SNX24: variants seen among roughly 807,000 people sequenced by gnomAD.
The protein encoded by SNX24 is sorting nexin-24.
SNX24 carries 22 observed loss-of-function variants against 28.7 expected under a neutral mutation model. That is an observed-to-expected ratio of 0.77 (90% confidence interval 0.55 to 1.10). SNX24 has a LOEUF of 1.10. Among genes scored for constraint, SNX24 ranks in the 50% least tolerant of loss-of-function variants. SNX24 has a pLI of 0.00. For synonymous variants in SNX24, 69 were observed against 71.5 expected (o/e 0.96, Z 0.18); for missense variants, 221 against 201.1 (o/e 1.10, Z -0.60).
intron 3 of SNX24, among the ~76,000 whole-genome samples, chr5:122,965,795 G>A (rs1418517108): frequency 6.6e-6 from 1 of 152,198 alleles, no homozygotes; most frequent in Non-Finnish European, 1.5e-5. Flanking sequence ...AATTACTAGA[G>A]TACAAAGTGA....
chr5:122,920,125 GGA>G (rs2150101292), intron 1 of SNX24, among the ~76,000 whole-genome samples: 1 of 152,280 alleles, frequency 6.6e-6, no homozygotes, highest in African/African-American at 2.4e-5. Flanking sequence ...TCAGGTCAAG[GGA>G]GAGAGAGGTG....
rs1762488825 is a variant in SNX24 at position 123,008,503 on chromosome 5, CTTTG to C, written c.*759_*762del. ...CCTATGTTGGAAAAAAAGACTGTTT[CTTTG>C]TTTGAAGACCAAGTGAAGTTGTTGG... is the stretch of plus-strand genomic sequence containing the variant. On this transcript the variant is annotated 3_prime_UTR_variant, in exon 7 of 7. Transcript: ENST00000261369. The C allele has an allele frequency of 6.7e-6, 1 of 149,078 alleles. No individual in the cohort carries two copies. The highest frequency in any genetic ancestry group is 2.7e-5 in the African/African-American group (1 of 37,220). The allele number at this position is 149,078 out of a possible 1,614,324, so 9.2% of individuals were successfully genotyped here.
intron 1 of SNX24, among the ~76,000 whole-genome samples, chr5:122,906,365 C>T (rs1260540335): frequency 1.3e-5 from 2 of 152,184 alleles, no homozygotes; most frequent in Non-Finnish European, 2.9e-5. Context: ...ATTGTGAGTA[C>T]AGCATAGTGG....
chr5:122,902,825 C>T (rs1757497644), intron 1 of SNX24, among the ~76,000 whole-genome samples: 1 of 152,214 alleles, frequency 6.6e-6, no homozygotes, highest in African/African-American at 2.4e-5. Context: ...TTAACCTTCT[C>T]TTAGCCAGTT....
At chr5:122,968,220 G>A (rs528245745) in intron 3 of SNX24, among the ~76,000 whole-genome samples, 16 of 152,198 alleles carry the variant, frequency 1.1e-4, no homozygotes, top group Admixed American at 2.6e-4. Context: ...TGGCATGCAC[G>A]CCTATAATCC....
chr5:122,906,883 T>C (rs1757665608), intron 1 of SNX24, among the ~76,000 whole-genome samples: 1 of 151,896 alleles, frequency 6.6e-6, no homozygotes, highest in Non-Finnish European at 1.5e-5. Context: ...ACAGAGTAAG[T>C]GACAGGGGCA....
At chr5:122,976,789 G>C (rs146424955) in intron 3 of SNX24, among the ~76,000 whole-genome samples, 2 of 152,230 alleles carry the variant, frequency 1.3e-5, no homozygotes, top group Non-Finnish European at 2.9e-5. Context: ...TGCGTAAAAC[G>C]CAGAGCACAG....
chr5:123,007,865 A>G lies in SNX24; in HGVS notation c.*116A>G. The G allele has an allele frequency of 6.6e-7, 1 of 1,507,652 alleles. No homozygotes were observed. 93.4% of individuals were successfully genotyped at this position (1,507,652 alleles called of 1,614,324 possible). ...ATATAACAGCTCTAGCTAGTGGTAAAGTGCACAGTCCCAGCTTAATTCAGG... is the reference window on the plus strand; with the variant it reads ...ATATAACAGCTCTAGCTAGTGGTAAGGTGCACAGTCCCAGCTTAATTCAGG... On this transcript the variant is annotated 3_prime_UTR_variant, in exon 7 of 7. Coordinates refer to ENST00000261369, the MANE Select transcript of SNX24 (RefSeq NM_014035.4).
chr5:122,964,211 C>T (rs1760614658), intron 3 of SNX24, among the ~76,000 whole-genome samples: 1 of 148,186 alleles, frequency 6.7e-6, no homozygotes, highest in Non-Finnish European at 1.5e-5. Flanking sequence ...CCATTGCACT[C>T]CCTCCAGCCT....
At chr5:122,973,776 C>T (rs1306484609) in intron 3 of SNX24, among the ~76,000 whole-genome samples, 3 of 152,176 alleles carry the variant, frequency 2.0e-5, no homozygotes, top group African/African-American at 7.2e-5. Context: ...CTACAAAAGC[C>T]AAGTAACAGG....
intron 5 of SNX24, chr5:123,022,328 T>G (rs1282734164): frequency 6.6e-6 from 1 of 152,188 alleles, no homozygotes; most frequent in African/African-American, 2.4e-5. Context: ...GTGAGATGGA[T>G]CCTCACTGCT....
intron 1 of SNX24, among the ~76,000 whole-genome samples, chr5:122,897,834 G>A (rs879603264): frequency 1.2e-4 from 18 of 152,102 alleles, no homozygotes; most frequent in Non-Finnish European, 2.4e-4. Context: ...GAACTTAATT[G>A]TTTAAATGTC....
At chr5:122,990,436 A>G (rs1337443413) in intron 3 of SNX24, among the ~76,000 whole-genome samples, 3 of 152,222 alleles carry the variant, frequency 2.0e-5, no homozygotes, top group Non-Finnish European at 4.4e-5. Context: ...GTCCTCATCT[A>G]TCTAGACTAT....
At chr5:122,916,962 T>C (rs1408854488) in intron 1 of SNX24, among the ~76,000 whole-genome samples, 2 of 152,108 alleles carry the variant, frequency 1.3e-5, no homozygotes, top group Admixed American at 1.3e-4. Context: ...TTCTACTCAT[T>C]TGTGCTGAAA....
At chr5:123,014,992 C>T (rs1308934445) in intron 5 of SNX24, among the ~76,000 whole-genome samples, 1 of 152,218 alleles carries the variant, frequency 6.6e-6, no homozygotes, top group Non-Finnish European at 1.5e-5. Flanking sequence ...GTCACCCCAT[C>T]TAAAGTAGCA....
intron 3 of SNX24, among the ~76,000 whole-genome samples, chr5:122,994,154 C>A (rs1399193184): frequency 6.6e-6 from 1 of 152,128 alleles, no homozygotes; most frequent in Non-Finnish European, 1.5e-5. Context: ...GCAAAGTGGT[C>A]TTGTCCAAGT....
intron 5 of SNX24, among the ~76,000 whole-genome samples, chr5:123,021,352 G>A (rs1762760343): frequency 6.6e-6 from 1 of 152,104 alleles, no homozygotes; most frequent in Non-Finnish European, 1.5e-5. Context: ...AGTCTGCCAG[G>A]CCAGGTGTGT....
Position 122,936,786 on chromosome 5 carries a change from G to C in SNX24, c.113G>C (p.Arg38Thr). The C allele has an allele frequency of 6.2e-7, 1 of 1,608,834 alleles. No individual in the cohort carries two copies. Among genetic ancestry groups the C allele is most frequent in the Non-Finnish European group, 8.5e-7 (1 of 1,176,284 alleles). ...MNGRKHFVEK[R>T]YSEFHALHKK... is the part of the protein sequence containing the mutation. ...GGAAGAAAACATTTTGTTGAAAAGA[G>C]ATACAGCGAATTTCATGCTTTGCAC... The change falls in exon 2 of 7, where the codon AGA (arginine) becomes ACA (threonine). Residue 38 changes from arginine (R) to threonine (T), a missense_variant. By Grantham distance (71) the Arg-to-Thr change is moderately conservative. Coordinates refer to ENST00000261369, the MANE Select transcript of SNX24 (RefSeq NM_014035.4).
intron 1 of SNX24, among the ~76,000 whole-genome samples, chr5:122,929,435 A>G (rs957796587): frequency 4.7e-5 from 7 of 148,426 alleles, no homozygotes; most frequent in African/African-American, 1.5e-4. Flanking sequence ...TATAGCTCCA[A>G]TAGCCTTTTT....
Sources: gnomAD v4.1 joint callset for allele counts (sites outside exome capture counted in the v4.1 genomes callset) on GRCh38, gnomAD v4.1.1 for gene constraint, MANE v1.5 for transcripts, NCBI Gene and HGNC (gene_info 2026-07-23, HGNC 2026-07-21) for gene names.